The following SLC9D1 variants were observed in gnomAD, a reference collection of about 807,000 sequenced individuals.
SLC9D1 encodes the protein solute carrier family 9 member D1, also known as putative LAG1-interacting protein.
chr13:113,518,718 G>A, the SLC9D1 span, among the ~76,000 whole-genome samples: 1 of 152,204 alleles, frequency 6.6e-6, no homozygotes, highest in Admixed American at 6.5e-5. Flanking sequence ...TCGCTGATCT[G>A]TGAAGCCTCC....
the SLC9D1 span, chr13:113,533,909 A>G: frequency 5.7e-6 from 4 of 706,808 alleles, no homozygotes; most frequent in African/African-American, 1.8e-5. Flanking sequence ...GTGTTTTTGT[A>G]TTTGAAAATA....
the SLC9D1 span, among the ~76,000 whole-genome samples, chr13:113,509,243 CT>C: frequency 2.0e-4 from 29 of 146,116 alleles, no homozygotes; most frequent in Non-Finnish European, 4.2e-4. Flanking sequence ...GTGGGTCCCC[CT>C]GGCGCTGCCT....
chr13:113,507,320 G>A, the SLC9D1 span, among the ~76,000 whole-genome samples: 1 of 152,096 alleles, frequency 6.6e-6, no homozygotes, highest in Non-Finnish European at 1.5e-5. Flanking sequence ...TAAGCAATGT[G>A]TTTATTTTCC....
At chr13:113,544,762 G>A in the SLC9D1 span, among the ~76,000 whole-genome samples, 8 of 152,328 alleles carry the variant, frequency 5.3e-5, no homozygotes, top group South Asian at 4.1e-4. Context: ...AGGTTCTCAC[G>A]CATGTGGCCT....
At chr13:113,541,717 G>T in the SLC9D1 span, among the ~76,000 whole-genome samples, 1 of 20,178 alleles carries the variant, frequency 5.0e-5, no homozygotes, top group Non-Finnish European at 8.7e-5. Flanking sequence ...CTTTATTACC[G>T]CCGAGATGTG....
chr13:113,543,159 T>TCCCTGTCCGTGACC, the SLC9D1 span, among the ~76,000 whole-genome samples: 135 of 41,376 alleles, frequency 3.3e-3, 8 homozygotes, highest in Admixed American at 0.011. Flanking sequence ...CCCCCCGCCC[T>TCCCTGTCCGTGACC]ACCTCTGTCC....
the SLC9D1 span, among the ~76,000 whole-genome samples, chr13:113,538,512 T>C: frequency 6.6e-6 from 1 of 152,240 alleles, no homozygotes; most frequent in Non-Finnish European, 1.5e-5. Flanking sequence ...GTGCGTCTGT[T>C]GGCCAGGGGA....
At chr13:113,508,411 C>T in the SLC9D1 span, among the ~76,000 whole-genome samples, 228 of 152,306 alleles carry the variant, frequency 1.5e-3, no homozygotes, top group African/African-American at 5.1e-3. Context: ...GTGGACAGCA[C>T]GGGTGCTTCC....
the SLC9D1 span, chr13:113,495,825 G>A: frequency 3.1e-6 from 5 of 1,614,192 alleles, 1 homozygote; most frequent in South Asian, 3.3e-5. Context: ...GGAGAAAGAC[G>A]TGGGCCTGTC....
At chr13:113,546,735 G>T in the SLC9D1 span, among the ~76,000 whole-genome samples, 1 of 152,136 alleles carries the variant, frequency 6.6e-6, no homozygotes. The surrounding 1 kb of genome is among the most constrained non-coding windows in gnomAD (Gnocchi z 7.1). Context: ...CTCAGGTCCA[G>T]CCCCAGCACC....
the SLC9D1 span, among the ~76,000 whole-genome samples, chr13:113,538,968 C>T: frequency 6.6e-6 from 1 of 152,248 alleles, no homozygotes; most frequent in Non-Finnish European, 1.5e-5. Context: ...CTGTCGCTTT[C>T]TCTCTGCTTT....
chr13:113,510,653 G>A, the SLC9D1 span, among the ~76,000 whole-genome samples: 6 of 152,182 alleles, frequency 3.9e-5, no homozygotes, highest in South Asian at 2.1e-4. Context: ...AAAAATGCCC[G>A]TGAGGATTGA....
the SLC9D1 span, among the ~76,000 whole-genome samples, chr13:113,499,772 T>C: frequency 6.6e-6 from 1 of 152,198 alleles, no homozygotes; most frequent in Non-Finnish European, 1.5e-5. Context: ...AAGTAGATCT[T>C]GGAAAGTAGC....
the SLC9D1 span, among the ~76,000 whole-genome samples, chr13:113,542,982 C>T: frequency 0.024 from 3,677 of 151,796 alleles, 124 homozygotes; most frequent in African/African-American, 0.077. Context: ...CAGTGTGTCC[C>T]GGGAGAGCCT....
At chr13:113,534,308 C>T in the SLC9D1 span, 5 of 1,246,652 alleles carry the variant, frequency 4.0e-6, no homozygotes, top group Non-Finnish European at 5.8e-6. Context: ...ATCTTGTGAT[C>T]CATTCTTTAC....
the SLC9D1 span, among the ~76,000 whole-genome samples, chr13:113,499,352 C>G: frequency 6.6e-6 from 1 of 152,308 alleles, no homozygotes; most frequent in African/African-American, 2.4e-5. Context: ...CTGTCTCACC[C>G]TGTGACTAAG....
the SLC9D1 span, among the ~76,000 whole-genome samples, chr13:113,543,162 CT>C: frequency 0.016 from 1,074 of 67,422 alleles, 67 homozygotes; most frequent in Non-Finnish European, 0.022. Context: ...CCCGCCCTAC[CT>C]CTGTCCGGAC....
the SLC9D1 span, chr13:113,539,302 G>A: frequency 6.3e-7 from 1 of 1,576,286 alleles, no homozygotes; most frequent in Non-Finnish European, 8.6e-7. This position sits in a 1 kb window ranked among gnomAD's most constrained non-coding sequence, Gnocchi z 4.8. Flanking sequence ...TTGGGATGGG[G>A]GTGACCCTGG....
chr13:113,495,228 G>C, the SLC9D1 span, among the ~76,000 whole-genome samples: 56 of 152,266 alleles, frequency 3.7e-4, 1 homozygote, highest in Non-Finnish European at 7.4e-5. Flanking sequence ...ACGAGGCTGC[G>C]TCGCCCCCCA....
Sources: gnomAD v4.1 joint callset for allele counts (sites outside exome capture counted in the v4.1 genomes callset) on GRCh38, gnomAD v4.1.1 for gene constraint, Gnocchi (gnomAD v3.1) non-coding constraint, MANE v1.5 for transcripts, NCBI Gene and HGNC (gene_info 2026-07-23, HGNC 2026-07-21) for gene names.